The following BPIFA2 variants were observed in gnomAD, a reference collection of about 807,000 sequenced individuals.
BPIFA2 encodes BPI fold containing family A member 2.
BPIFA2 carries 20 observed loss-of-function variants against 25.7 expected under a neutral mutation model. The observed-to-expected ratio is 0.78, with a 90% CI of 0.55 to 1.13. BPIFA2 has a LOEUF of 1.13. Among genes scored for constraint, BPIFA2 ranks in the 50% most tolerant of loss-of-function variants. BPIFA2 has a pLI of 0.00. For synonymous variants in BPIFA2, 126 were observed against 124.3 expected, an observed-to-expected ratio of 1.01 and a Z score of -0.09; for missense variants, 300 against 298.1, an observed-to-expected ratio of 1.01 and a Z score of -0.05.
chr20:33,178,116 C>T, intron 5 of BPIFA2, 31 bp from the exon 6 acceptor site: 4 of 1,544,524 alleles, frequency 2.6e-6, no homozygotes, highest in Non-Finnish European at 3.6e-6. Context: ...GCCCACTTGA[C>T]CAGACTTTAA....
chr20:33,169,047 A>G, intron 1 of BPIFA2, 84 bp from the exon 2 acceptor site: 1 of 1,204,060 alleles, frequency 8.3e-7, no homozygotes, highest in Non-Finnish European at 1.2e-6. Flanking sequence ...ATGGAATGCT[A>G]AATGTTAAGA....
At chr20:33,169,326 A>AG in intron 2 of BPIFA2, 24 bp downstream of exon 2, 3 of 1,610,314 alleles carry the variant, frequency 1.9e-6, no homozygotes, top group East Asian at 2.2e-5. Flanking sequence ...GGTGATGAAC[A>AG]GTGTCACCTA....
intron 4 of BPIFA2, 72 bp from the exon 5 acceptor site, chr20:33,175,335 G>C (rs1034692595): frequency 3.5e-5 from 51 of 1,457,712 alleles, no homozygotes; most frequent in Non-Finnish European, 4.6e-5. Context: ...TGTCCACACA[G>C]GTGGAGGAAC....
At position 33,175,945 on chromosome 20, in the gene BPIFA2, C is replaced by G. The variant is rs866893908; in HGVS notation, c.563+386C>G. Among the ~76,000 whole-genome samples the G allele has an allele frequency of 2.0e-5, 3 of 152,128 alleles. No homozygotes were observed. The South Asian group carries it at 6.2e-4, about 32-fold the overall frequency. On this transcript the variant is annotated intron_variant, in intron 5 of 8. Transcript: ENST00000354932. Reference sequence around the variant, plus strand: ...GATTTGTTCATTTCGCCTTTCAACTCGGTCAGTTTCTGCTTCATACCCTTT... The same window carrying G: ...GATTTGTTCATTTCGCCTTTCAACTGGGTCAGTTTCTGCTTCATACCCTTT...
At chr20:33,163,544 C>T (rs924422979), upstream of BPIFA2, among the ~76,000 whole-genome samples, 7 of 152,204 alleles carry the variant, frequency 4.6e-5, no homozygotes, top group Admixed American at 1.3e-4. Flanking sequence ...GCAGTGCTGC[C>T]GGGCACGGTG....
At chr20:33,174,770 G>A (rs1002795529) in intron 4 of BPIFA2, among the ~76,000 whole-genome samples, 3 of 152,102 alleles carry the variant, frequency 2.0e-5, no homozygotes, top group East Asian at 1.9e-4. Flanking sequence ...AATTAACCAG[G>A]TGTGGCAGCA....
intron 5 of BPIFA2, among the ~76,000 whole-genome samples, chr20:33,176,357 A>G (rs1485786946): frequency 6.6e-6 from 1 of 152,192 alleles, no homozygotes; most frequent in Non-Finnish European, 1.5e-5. Context: ...GGAGAGGATG[A>G]ATGACCCAGA....
rs143036616 is a variant in BPIFA2, at chr20:33,173,995, G to C, written c.303-84G>C. On this transcript the variant is annotated intron_variant, in intron 3 of 8. Transcript: ENST00000354932. ...AAGGCAAGGCTGACGAGACCCAAAC[G>C]CTCAGCTCGAGGCTGGCCCAGGGAA... The C allele has an allele frequency of 8.3e-4, 916 of 1,108,770 alleles. 3 individuals are homozygous for C. In the African/African-American group the frequency reaches 0.013, roughly 16 times the overall value. The allele number at this position is 1,108,770 out of a possible 1,614,324, so 68.7% of individuals were successfully genotyped here. A position where few individuals can be genotyped will look rare whatever the true frequency, so the allele number is the denominator to read the frequency against.
upstream of BPIFA2, among the ~76,000 whole-genome samples, chr20:33,164,208 A>G (rs1284956791): frequency 6.6e-6 from 1 of 152,240 alleles, no homozygotes; most frequent in Non-Finnish European, 1.5e-5. Flanking sequence ...GTGAATGAAC[A>G]ATAAATAAAT....
In BPIFA2 at chr20:33,175,575, C is replaced by T. The variant is rs755561018; in HGVS notation, c.563+16C>T. On this transcript the variant is annotated intron_variant, in intron 5 of 8. Coordinates refer to ENST00000354932, the MANE Select transcript of BPIFA2 (RefSeq NM_080574.4). The stretch of plus-strand genomic sequence containing the variant: ...TGCTGGACAAGTAAGTCCCATTCAT[C>T]TTAGTAGAGCTGGGCTCTCAGGGAA... 13 of 1,612,250 alleles carry T rather than the reference C, an allele frequency of 8.1e-6. No homozygotes were observed. Among genetic ancestry groups the T allele is most frequent in the Non-Finnish European group, 1.0e-5 (12 of 1,179,126 alleles).
chr20:33,172,801 A>T, intron 2 of BPIFA2, 131 bp from the exon 3 acceptor site: 1 of 1,011,514 alleles, frequency 9.9e-7, no homozygotes, highest in African/African-American at 1.7e-5. Flanking sequence ...AGACAGTGAC[A>T]ATATCTACTT....
At chr20:33,175,364 G>A in intron 4 of BPIFA2, 43 bp from the exon 5 acceptor site, 1 of 1,584,388 alleles carries the variant, frequency 6.3e-7, no homozygotes, top group Non-Finnish European at 8.6e-7. Context: ...GCAACAGGCA[G>A]GAACTTCTAG....
rs747081191 is a variant in BPIFA2, at chr20:33,175,608, A to G, written c.563+49A>G. 44 of 1,587,224 alleles carry G rather than the reference A, an allele frequency of 2.8e-5. 1 individual carries two copies. Among genetic ancestry groups the G allele is most frequent in the Non-Finnish European group, 2.2e-5 (25 of 1,162,128 alleles). On this transcript the variant is annotated intron_variant, in intron 5 of 8. Transcript: ENST00000354932. ...AGCTGGGCTCTCAGGGAACTTGAGGACCCCTAATTTCAGCTCTAGTCCTCT... is the reference window on the plus strand; with the variant it reads ...AGCTGGGCTCTCAGGGAACTTGAGGGCCCCTAATTTCAGCTCTAGTCCTCT...
At position 33,179,029 on chromosome 20, in the gene BPIFA2, A is replaced by G. The variant is rs551589932; in HGVS notation, c.646-575A>G. On this transcript the variant is annotated intron_variant, in intron 6 of 8. Transcript: ENST00000354932. ...TTCAACATGGGAATGTTAACAATCT[A>G]GAATGTAGATTTTTGAGGTCCTAGA... is the stretch of plus-strand genomic sequence containing the variant. Among the ~76,000 whole-genome samples the G allele has an allele frequency of 5.1e-4, 77 of 152,278 alleles. No individual in the cohort carries two copies. The South Asian group carries it at 0.012, about 23-fold the overall frequency.
At chr20:33,163,852 A>T (rs1983647438), upstream of BPIFA2, among the ~76,000 whole-genome samples, 1 of 151,848 alleles carries the variant, frequency 6.6e-6, no homozygotes, top group Non-Finnish European at 1.5e-5. Context: ...CAGAGCATGG[A>T]CTCCGGAGCC....
chr20:33,165,709 A>G (rs1983703142), upstream of BPIFA2, among the ~76,000 whole-genome samples: 1 of 152,234 alleles, frequency 6.6e-6, no homozygotes, highest in African/African-American at 2.4e-5. Flanking sequence ...TGGCACAGCT[A>G]ATCTTTAATG....
At position 33,162,488 on chromosome 20, in the gene BPIFA2, C is replaced by A. The variant is rs1380691834; in HGVS notation, c.-16+590C>A. On this transcript the variant is annotated intron_variant, in intron 1 of 8. Transcript: ENST00000253362. ...GCCAGTGGCGGAATCTAGAATGAGG[C>A]TCTGCCCTCTTTCCCACCCTTAATC... Among the ~76,000 whole-genome samples the A allele has an allele frequency of 2.6e-5, 4 of 152,208 alleles. No individual in the cohort carries two copies. In the East Asian group the frequency reaches 7.7e-4, roughly 29 times the overall value.
chr20:33,169,398 T>C (rs1983829250), intron 2 of BPIFA2, 96 bp downstream of exon 2: 2 of 1,295,210 alleles, frequency 1.5e-6, no homozygotes, highest in Non-Finnish European at 1.1e-6. Flanking sequence ...CTACTCTTTA[T>C]GGGCGGTTTA....
chr20:33,163,845 A>G (rs976952376), upstream of BPIFA2, among the ~76,000 whole-genome samples: 1 of 152,066 alleles, frequency 6.6e-6, no homozygotes, highest in African/African-American at 2.4e-5. Context: ...AGTAGCTCAG[A>G]GCATGGACTC....
Sources: allele counts gnomAD v4.1 joint callset (sites outside exome capture counted in the v4.1 genomes callset), GRCh38; gene constraint gnomAD v4.1.1; transcripts MANE v1.5; gene names NCBI Gene and HGNC (gene_info 2026-07-23, HGNC 2026-07-21).